Variants in CABLES1 observed in about 807,000 individuals in gnomAD.
CABLES1 encodes CDK5 and ABL1 enzyme substrate 1.
In CABLES1, 36 loss-of-function variants were observed where a neutral mutation model predicts 57.8. The observed-to-expected ratio is 0.62, with a 90% CI of 0.48 to 0.82. CABLES1 has a LOEUF of 0.82. Among genes scored for constraint, CABLES1 ranks in the 40% least tolerant of loss-of-function variants. The pLI is 0.00. For missense variants in CABLES1, 767 were observed against 836.6 expected, an observed-to-expected ratio of 0.92 and a Z score of 1.03; for synonymous variants, 374 against 363.0, an observed-to-expected ratio of 1.03 and a Z score of -0.35.
intron 3 of CABLES1, among the ~76,000 whole-genome samples, chr18:23,199,781 G>T (rs933222639): frequency 6.6e-6 from 1 of 152,170 alleles, no homozygotes; most frequent in African/African-American, 2.4e-5. Context: ...GCCCAACATT[G>T]TGCATGTACT....
Position 23,196,860 on chromosome 18 carries a change from C to T in CABLES1, c.1010+2320C>T, listed in dbSNP as rs542746975. The stretch of plus-strand genomic sequence containing the variant: ...TGGGCTGTGCCCAGCTCCTGAGTCT[C>T]CTTGGGACCCCTGATGAGCACAGCC... On this transcript the variant is annotated intron_variant, in intron 3 of 9. Coordinates refer to ENST00000256925, the MANE Select transcript of CABLES1 (RefSeq NM_001100619.3). 2.0e-5 allele frequency: 3 copies of T among 152,450 alleles called. 1 individual carries two copies. The East Asian group carries it at 5.8e-4, about 29-fold the overall frequency. The allele number at this position is 152,450 out of a possible 1,614,324, so 9.4% of individuals were successfully genotyped here. A position where few individuals can be genotyped will look rare whatever the true frequency, so the allele number is the denominator to read the frequency against.
At chr18:23,219,282 T>C in intron 4 of CABLES1, 2 of 454,110 alleles carry the variant, frequency 4.4e-6, no homozygotes, top group Non-Finnish European at 8.8e-6. Context: ...AATAAGCTAG[T>C]AAACCAATCA....
intron 1 of CABLES1, among the ~76,000 whole-genome samples, chr18:23,174,407 A>G (rs1251166314): frequency 2.0e-5 from 3 of 151,990 alleles, no homozygotes; most frequent in African/African-American, 4.8e-5. Context: ...GTGTGGATGT[A>G]TCTTGGCATC....
At chr18:23,185,373 G>A (rs1370123569) in intron 1 of CABLES1, among the ~76,000 whole-genome samples, 1 of 152,176 alleles carries the variant, frequency 6.6e-6, no homozygotes, top group Non-Finnish European at 1.5e-5. Flanking sequence ...TTCAGAGACT[G>A]TTAATGGGAC....
chr18:23,234,779 C>A, intron 5 of CABLES1, 75 bp downstream of exon 5: 1 of 1,191,872 alleles, frequency 8.4e-7, no homozygotes, highest in Non-Finnish European at 1.2e-6. Flanking sequence ...GGGGGGCAGC[C>A]CACAAGCCTC....
chr18:23,220,523 C>T (rs2047479371), intron 4 of CABLES1, among the ~76,000 whole-genome samples: 2 of 152,160 alleles, frequency 1.3e-5, no homozygotes, highest in Non-Finnish European at 2.9e-5. Flanking sequence ...GGAGCCGGTT[C>T]AGCCCGGGAA....
rs762631339 is a variant in CABLES1 at position 23,234,656 on chromosome 18, G to C, written c.1137G>C (p.Leu379Phe). The C allele has an allele frequency of 2.5e-6, 4 of 1,613,942 alleles. No homozygotes were observed. In the South Asian group the frequency reaches 4.4e-5, roughly 18 times the overall value. The change falls in exon 5 of 10, where the codon TTG (leucine) becomes TTC (phenylalanine). Residue 379 changes from leucine (L) to phenylalanine (F), a missense_variant. Coordinates refer to ENST00000256925, the MANE Select transcript of CABLES1 (RefSeq NM_001100619.3). ...GACAATCAACTGGTGCAGTGAGTTT[G>C]AAAGAGATCATTGGTCTGGAAGGTG... ...GGRQSTGAVS[L>F]KEIIGLEGVE...
At chr18:23,249,456 A>C (rs1012140610) in intron 7 of CABLES1, among the ~76,000 whole-genome samples, 1 of 152,214 alleles carries the variant, frequency 6.6e-6, no homozygotes, top group Non-Finnish European at 1.5e-5. Flanking sequence ...TCTTTGGCAC[A>C]TAGAAATCAG....
At chr18:23,244,932 AAATG>A (rs1264102206) in intron 7 of CABLES1, among the ~76,000 whole-genome samples, 1 of 152,206 alleles carries the variant, frequency 6.6e-6, no homozygotes, top group African/African-American at 2.4e-5. Flanking sequence ...GGAAAGTAGG[AAATG>A]AAGGAGGCCG....
intron 4 of CABLES1, among the ~76,000 whole-genome samples, chr18:23,226,259 G>A (rs933623636): frequency 6.6e-5 from 10 of 152,068 alleles, no homozygotes; most frequent in African/African-American, 1.4e-4. Context: ...AAAATTAGCC[G>A]GGCATGGTGG....
At chr18:23,200,463 C>A (rs936895817) in intron 3 of CABLES1, among the ~76,000 whole-genome samples, 1 of 152,102 alleles carries the variant, frequency 6.6e-6, no homozygotes, top group South Asian at 2.1e-4. Context: ...GGGGTTTCAC[C>A]ATGTTAGCCA....
In CABLES1 at chr18:23,165,356, T is replaced by G. The variant is rs2047034968; in HGVS notation, c.846-23482T>G. ...CAAGCAGTTCTCCCATCTTGGCCTC[T>G]GAAAGCACTGAGATTACAAGGTGTA... On this transcript the variant is annotated intron_variant, in intron 1 of 9. Coordinates refer to ENST00000256925, the MANE Select transcript of CABLES1 (RefSeq NM_001100619.3). Among the ~76,000 whole-genome samples, 2 of 152,210 alleles carry G rather than the reference T, an allele frequency of 1.3e-5. 1 individual carries two copies. The highest frequency in any genetic ancestry group is 4.1e-4 in the South Asian group (2 of 4,826).
At chr18:23,206,532 G>A (rs1316056699) in intron 3 of CABLES1, among the ~76,000 whole-genome samples, 2 of 152,232 alleles carry the variant, frequency 1.3e-5, no homozygotes, top group African/African-American at 2.4e-5. Context: ...GGGGTCCACA[G>A]ATCAGAGTCT....
intron 1 of CABLES1, among the ~76,000 whole-genome samples, chr18:23,153,192 C>T (rs1254626601): frequency 6.6e-6 from 1 of 151,948 alleles, no homozygotes; most frequent in East Asian, 1.9e-4. Context: ...ACCTCCTGGA[C>T]TCAAGCAATC....
intron 3 of CABLES1, among the ~76,000 whole-genome samples, chr18:23,198,865 A>G (rs138717945): frequency 6.6e-6 from 1 of 152,364 alleles, no homozygotes; most frequent in African/African-American, 2.4e-5. Context: ...ATTGTAAGAT[A>G]ATACATTTGT....
At chr18:23,164,674 G>A (rs987418027) in intron 1 of CABLES1, among the ~76,000 whole-genome samples, 1 of 150,622 alleles carries the variant, frequency 6.6e-6, no homozygotes, top group African/African-American at 2.4e-5. Context: ...TTTTTTTGCA[G>A]GATAATTTTT....
upstream of CABLES1, among the ~76,000 whole-genome samples, chr18:23,135,039 C>A (rs1359495614): frequency 6.6e-6 from 1 of 152,152 alleles, no homozygotes; most frequent in Non-Finnish European, 1.5e-5. Flanking sequence ...CCAAGTAACT[C>A]GCTCGCAGTC....
At chr18:23,256,529 G>A (rs1416372261) in intron 9 of CABLES1, among the ~76,000 whole-genome samples, 3 of 152,150 alleles carry the variant, frequency 2.0e-5, no homozygotes, top group African/African-American at 7.2e-5. Context: ...TGCCCAGGCT[G>A]GAGTTCGGTG....
chr18:23,156,182 A>G (rs1050796534), intron 1 of CABLES1, among the ~76,000 whole-genome samples: 1 of 152,216 alleles, frequency 6.6e-6, no homozygotes, highest in African/African-American at 2.4e-5. Context: ...CCAGCCCCCA[A>G]GACCAGCCTT....
Sources: allele counts gnomAD v4.1 joint callset (sites outside exome capture counted in the v4.1 genomes callset), GRCh38; gene constraint gnomAD v4.1.1; transcripts MANE v1.5; gene names NCBI Gene and HGNC (gene_info 2026-07-23, HGNC 2026-07-21).